Variants in LMNB1 observed in about 807,000 individuals in gnomAD.
The protein encoded by LMNB1 is lamin-B1.
Under a neutral mutation model 67.1 loss-of-function variants are expected in LMNB1, and 23 were observed. The ratio of observed to expected loss-of-function variants is 0.34; its 90% CI spans 0.25 to 0.49. The LOEUF (loss-of-function observed/expected upper bound fraction) is 0.49, where lower values mean the gene tolerates loss of function less well. LMNB1 is among the 20% of genes least tolerant of loss of function. LMNB1 has a pLI of 0.99. For synonymous variants in LMNB1, 281 were observed against 282.9 expected, an observed-to-expected ratio of 0.99 and a Z score of 0.07; for missense variants, 634 against 746.5, an observed-to-expected ratio of 0.85 and a Z score of 1.76.
At position 126,822,845 on chromosome 5, in the gene LMNB1, A is replaced by G. The variant is rs763844684; in HGVS notation, c.1451A>G (p.Tyr484Cys). ...GGAGACACATCAGTCAGTTATAAAT[A>G]TACCTCAAGATATGTGCTGAAGGCA... Reference protein sequence around the residue: ...KIGDTSVSYKYTSRYVLKAGQ... With the variant: ...KIGDTSVSYKCTSRYVLKAGQ... Residue 484 changes from tyrosine (Y) to cysteine (C), a missense_variant, in exon 8 of 11, where the codon TAT becomes TGT. Physicochemically the swap from Tyr to Cys is radical, Grantham distance 194. Coordinates refer to ENST00000261366, the MANE Select transcript of LMNB1 (RefSeq NM_005573.4). 3 of 1,611,406 alleles carry G rather than the reference A, an allele frequency of 1.9e-6. No individual in the cohort carries two copies. The highest frequency in any genetic ancestry group is 2.2e-5 in the East Asian group (1 of 44,856).
rs1027957834 is a variant in LMNB1 at position 126,836,711 on chromosome 5, T to C, written c.*447T>C. 1.5e-5 allele frequency: 6 copies of C among 389,288 alleles called. No individual in the cohort carries two copies. Among genetic ancestry groups the C allele is most frequent in the Non-Finnish European group, 2.3e-5 (5 of 221,258 alleles). The allele number at this position is 389,288 out of a possible 1,614,324, so 24.1% of individuals were successfully genotyped here. The stretch of plus-strand genomic sequence containing the variant: ...GAGGGGAAAAGCATTTTTCAATATA[T>C]TGAACTTTTGTACTGAATTTTTTTG... On this transcript the variant is annotated 3_prime_UTR_variant, in exon 11 of 11. Coordinates refer to ENST00000261366, the MANE Select transcript of LMNB1 (RefSeq NM_005573.4).
intron 1 of LMNB1, among the ~76,000 whole-genome samples, chr5:126,784,476 C>T (rs1361135461): frequency 2.0e-5 from 3 of 151,618 alleles, no homozygotes; most frequent in Admixed American, 6.6e-5. Flanking sequence ...CTGCCTCAGC[C>T]TCCGGAGTAG....
intron 1 of LMNB1, among the ~76,000 whole-genome samples, chr5:126,798,235 G>A (rs557919372): frequency 2.6e-4 from 40 of 152,210 alleles, no homozygotes; most frequent in African/African-American, 9.4e-4. Context: ...GTTGGATCAC[G>A]AGGTCAGTAG....
intron 1 of LMNB1, among the ~76,000 whole-genome samples, chr5:126,801,115 C>G (rs1449409253): frequency 1.3e-5 from 2 of 149,086 alleles, no homozygotes; most frequent in African/African-American, 2.5e-5. Flanking sequence ...CCTCTAGTAG[C>G]TGGGACTACA....
At chr5:126,795,090 C>T (rs1230572119) in intron 1 of LMNB1, among the ~76,000 whole-genome samples, 1 of 144,090 alleles carries the variant, frequency 6.9e-6, no homozygotes, top group African/African-American at 2.5e-5. Flanking sequence ...CTTATTTTTT[C>T]AAGTGTTTAT....
chr5:126,821,169 C>A, intron 7 of LMNB1, 34 bp downstream of exon 7: 1 of 1,397,402 alleles, frequency 7.2e-7, no homozygotes, highest in Non-Finnish European at 1.0e-6. Context: ...TCTAGCAAGG[C>A]TTTGTGGATT....
chr5:126,794,497 G>A (rs1331453949), intron 1 of LMNB1, among the ~76,000 whole-genome samples: 1 of 152,130 alleles, frequency 6.6e-6, no homozygotes, highest in Non-Finnish European at 1.5e-5. Context: ...TTTCTCTAAA[G>A]GTCTGGAGCA....
chr5:126,814,943 A>T (rs1055199084), intron 5 of LMNB1, among the ~76,000 whole-genome samples: 3 of 152,222 alleles, frequency 2.0e-5, no homozygotes, highest in Non-Finnish European at 2.9e-5. Flanking sequence ...GGGGGTTTCC[A>T]GGAGCTAACT....
intron 1 of LMNB1, among the ~76,000 whole-genome samples, chr5:126,795,283 A>G (rs2941662): frequency 0.68 from 103,348 of 151,784 alleles, 35,582 homozygotes; most frequent in South Asian, 0.74. Flanking sequence ...GACTACAGGC[A>G]CAGGCCACTA....
intron 1 of LMNB1, among the ~76,000 whole-genome samples, chr5:126,791,097 T>C (rs1236096166): frequency 6.6e-6 from 1 of 152,170 alleles, no homozygotes; most frequent in Non-Finnish European, 1.5e-5. Context: ...CTAGCTTTCA[T>C]TGGCTGCAGA....
chr5:126,786,112 C>CTTTTTTTTTTTTTT (rs70997312), intron 1 of LMNB1, among the ~76,000 whole-genome samples: 2 of 106,668 alleles, frequency 1.9e-5, no homozygotes, highest in Non-Finnish European at 1.8e-5. Flanking sequence ...CAGACATTAT[C>CTTTTTTTTTTTTTT]TTTTTTTTTT....
intron 1 of LMNB1, among the ~76,000 whole-genome samples, chr5:126,796,619 A>C (rs1425816312): frequency 6.6e-6 from 1 of 152,204 alleles, no homozygotes; most frequent in African/African-American, 2.4e-5. Context: ...TATAGGCCTC[A>C]GGAGAGGATA....
At chr5:126,809,075 A>G (rs1224775377) in intron 3 of LMNB1, among the ~76,000 whole-genome samples, 1 of 152,130 alleles carries the variant, frequency 6.6e-6, no homozygotes, top group Non-Finnish European at 1.5e-5. Context: ...GGGTTTTACC[A>G]TATTGGCCAG....
At chr5:126,784,406 A>G (rs1451311561) in intron 1 of LMNB1, among the ~76,000 whole-genome samples, 5 of 150,490 alleles carry the variant, frequency 3.3e-5, no homozygotes, top group African/African-American at 9.8e-5. Context: ...CCCAGGCTGG[A>G]GTGCAGTGGT....
At chr5:126,817,901 T>C (rs1283066654) in intron 5 of LMNB1, among the ~76,000 whole-genome samples, 2 of 152,220 alleles carry the variant, frequency 1.3e-5, no homozygotes, top group Non-Finnish European at 2.9e-5. Context: ...GCTACTGAGA[T>C]GAATTCTGTC....
At chr5:126,819,408 G>C (rs1218923175) in intron 6 of LMNB1, among the ~76,000 whole-genome samples, 1 of 151,758 alleles carries the variant, frequency 6.6e-6, no homozygotes, top group Non-Finnish European at 1.5e-5. Flanking sequence ...TAAGTGTTTT[G>C]GTGATTTAAT....
At chr5:126,786,114 T>C (rs1444672012) in intron 1 of LMNB1, among the ~76,000 whole-genome samples, 57 of 54,500 alleles carry the variant, frequency 1.0e-3, no homozygotes, top group African/African-American at 3.3e-3. Context: ...GACATTATCT[T>C]TTTTTTTTTT....
At chr5:126,812,817 G>A (rs559874219) in intron 5 of LMNB1, among the ~76,000 whole-genome samples, 139 of 143,964 alleles carry the variant, frequency 9.7e-4, no homozygotes, top group Non-Finnish European at 1.7e-3. Context: ...TGTGAGCTCC[G>A]CCTCCCGGGT....
chr5:126,800,605 A>G (rs1298515764), intron 1 of LMNB1, among the ~76,000 whole-genome samples: 2 of 134,690 alleles, frequency 1.5e-5, no homozygotes, highest in Non-Finnish European at 3.1e-5. Flanking sequence ...GACTGTTGGG[A>G]TGGGGCTTGA....
Sources: gnomAD v4.1 joint callset for allele counts (sites outside exome capture counted in the v4.1 genomes callset) on GRCh38, gnomAD v4.1.1 for gene constraint, MANE v1.5 for transcripts, NCBI Gene and HGNC (gene_info 2026-07-23, HGNC 2026-07-21) for gene names.